The following ARHGAP42 variants were observed in gnomAD, a reference collection of about 807,000 sequenced individuals.
ARHGAP42 encodes Rho GTPase activating protein 42.
A neutral mutation model predicts 125.0 loss-of-function variants in ARHGAP42; 63 were observed. That is an observed-to-expected ratio of 0.50 (90% CI 0.41 to 0.62). The LOEUF (loss-of-function observed/expected upper bound fraction) is 0.62, where lower values mean the gene tolerates loss of function less well. Ranked by LOEUF, ARHGAP42 falls within the 20% of genes least tolerant of loss-of-function variation. The pLI is 0.00. For synonymous variants in ARHGAP42, 339 were observed against 351.0 expected (o/e 0.97, Z 0.38); for missense variants, 766 against 1,024.2 (o/e 0.75, Z 3.44).
intron 1 of ARHGAP42, among the ~76,000 whole-genome samples, chr11:100,721,547 A>G (rs186352988): frequency 1.3e-5 from 2 of 151,096 alleles, no homozygotes; most frequent in East Asian, 3.9e-4. Context: ...ATCTTGGCTC[A>G]CTGCAACCTC....
intron 3 of ARHGAP42, among the ~76,000 whole-genome samples, chr11:100,798,714 G>C (rs1205719233): frequency 6.6e-6 from 1 of 151,994 alleles, no homozygotes; most frequent in Non-Finnish European, 1.5e-5. Context: ...TATTTAATGT[G>C]ATATTCACTT....
intron 4 of ARHGAP42, among the ~76,000 whole-genome samples, chr11:100,905,806 G>A (rs774070775): frequency 1.4e-4 from 13 of 91,700 alleles, no homozygotes; most frequent in Admixed American, 3.9e-4. Context: ...GCAAAACCCC[G>A]TCTCTACTAA....
intron 12 of ARHGAP42, among the ~76,000 whole-genome samples, chr11:100,959,614 A>G (rs1326072899): frequency 6.6e-6 from 1 of 152,136 alleles, no homozygotes; most frequent in East Asian, 1.9e-4. Flanking sequence ...GTAGTAAAGG[A>G]GTAATGCTAT....
intron 4 of ARHGAP42, among the ~76,000 whole-genome samples, chr11:100,899,620 C>G (rs918797311): frequency 1.3e-5 from 2 of 149,542 alleles, no homozygotes; most frequent in African/African-American, 2.4e-5. Flanking sequence ...CTCTTTTGAT[C>G]TTGTTGGTTT....
At chr11:100,812,204 G>A (rs1002082994) in intron 3 of ARHGAP42, among the ~76,000 whole-genome samples, 8 of 152,192 alleles carry the variant, frequency 5.3e-5, no homozygotes, top group African/African-American at 1.7e-4. Flanking sequence ...GACACAAGCT[G>A]TAAACTGTAG....
chr11:100,756,395 C>A (rs1413165376), intron 1 of ARHGAP42, among the ~76,000 whole-genome samples: 2 of 152,000 alleles, frequency 1.3e-5, no homozygotes, highest in Admixed American at 1.3e-4. Flanking sequence ...AAGACCCTGT[C>A]TCAAAAATAA....
intron 4 of ARHGAP42, among the ~76,000 whole-genome samples, chr11:100,881,184 T>C (rs1865951674): frequency 6.6e-6 from 1 of 152,202 alleles, no homozygotes; most frequent in Admixed American, 6.5e-5. Flanking sequence ...GAAGAGTTTT[T>C]CTGATGTTAT....
intron 3 of ARHGAP42, among the ~76,000 whole-genome samples, chr11:100,829,531 C>T (rs1426278208): frequency 6.6e-6 from 1 of 152,120 alleles, no homozygotes; most frequent in East Asian, 1.9e-4. Flanking sequence ...GCTTCAAAGG[C>T]ATTACCCACT....
chr11:100,969,412 A>G (rs1858181025), intron 17 of ARHGAP42, among the ~76,000 whole-genome samples: 2 of 152,018 alleles, frequency 1.3e-5, no homozygotes, highest in African/African-American at 4.8e-5. Flanking sequence ...TAAATTTGGA[A>G]AATTTTCAGC....
At chr11:100,878,702 A>AT (rs1865882466) in intron 4 of ARHGAP42, among the ~76,000 whole-genome samples, 2 of 152,176 alleles carry the variant, frequency 1.3e-5, no homozygotes, top group African/African-American at 4.8e-5. Context: ...AGAAATGAGT[A>AT]AGTCAGTGGC....
At chr11:100,736,762 T>G (rs894683589) in intron 1 of ARHGAP42, among the ~76,000 whole-genome samples, 25 of 152,212 alleles carry the variant, frequency 1.6e-4, no homozygotes, top group Non-Finnish European at 3.5e-4. Flanking sequence ...TGTCTTTTTT[T>G]TAAATTAAAA....
chr11:100,826,987 T>C (rs1311421918), intron 3 of ARHGAP42, among the ~76,000 whole-genome samples: 1 of 151,100 alleles, frequency 6.6e-6, no homozygotes, highest in Non-Finnish European at 1.5e-5. Flanking sequence ...TGAATTTTGT[T>C]GTGAGCCTTA....
At chr11:100,776,341 A>T (rs1863119927) in intron 2 of ARHGAP42, among the ~76,000 whole-genome samples, 1 of 152,190 alleles carries the variant, frequency 6.6e-6, no homozygotes, top group Non-Finnish European at 1.5e-5. Flanking sequence ...GACTCTCAGG[A>T]AAGTCTTGAA....
intron 3 of ARHGAP42, among the ~76,000 whole-genome samples, chr11:100,806,168 A>G (rs1863985210): frequency 6.6e-6 from 1 of 152,246 alleles, no homozygotes; most frequent in Non-Finnish European, 1.5e-5. Context: ...TGTAAGATCT[A>G]AAAATGTTCA....
chr11:100,863,050 AAAACAC>A (rs1156414856), intron 4 of ARHGAP42, among the ~76,000 whole-genome samples: 4,330 of 85,808 alleles, frequency 0.05, 138 homozygotes, highest in East Asian at 0.28. Context: ...AAAAAAAAAA[AAAACAC>A]AAAACACACA....
intron 3 of ARHGAP42, among the ~76,000 whole-genome samples, chr11:100,824,957 T>G (rs1156942637): frequency 6.6e-6 from 1 of 152,168 alleles, no homozygotes; most frequent in Non-Finnish European, 1.5e-5. Flanking sequence ...TTGTTATGAG[T>G]GAATGTTTTT....
intron 17 of ARHGAP42, among the ~76,000 whole-genome samples, chr11:100,969,635 G>A (rs1372869207): frequency 1.3e-5 from 2 of 151,210 alleles, no homozygotes; most frequent in Non-Finnish European, 2.9e-5. Flanking sequence ...TTTACATTTG[G>A]TTCTTATTTT....
intron 6 of ARHGAP42, among the ~76,000 whole-genome samples, chr11:100,922,081 G>T (rs1867288842): frequency 6.6e-6 from 1 of 152,050 alleles, no homozygotes; most frequent in African/African-American, 2.4e-5. Context: ...CAAAAATAAA[G>T]TGTATTAATT....
At chr11:100,795,197 T>C in intron 3 of ARHGAP42, 31 bp downstream of exon 3, 1 of 1,471,132 alleles carries the variant, frequency 6.8e-7, no homozygotes, top group Admixed American at 2.3e-5. Flanking sequence ...TTAAGAATAT[T>C]GCTTTGTTTC....
Sources: allele counts gnomAD v4.1 joint callset (sites outside exome capture counted in the v4.1 genomes callset), GRCh38; gene constraint gnomAD v4.1.1; transcripts MANE v1.5; gene names NCBI Gene and HGNC (gene_info 2026-07-23, HGNC 2026-07-21).